SCHIP1: variants seen among roughly 807,000 people sequenced by gnomAD.
SCHIP1 encodes the protein schwannomin interacting protein 1.
Under a neutral mutation model 29.7 loss-of-function variants are expected in SCHIP1, and 8 were observed. The ratio of observed to expected loss-of-function variants is 0.27; its 90% confidence interval spans 0.16 to 0.49. The LOEUF is 0.49. SCHIP1 is among the 20% of genes least tolerant of loss of function. The pLI is 0.99. For missense variants in SCHIP1, 193 were observed against 294.6 expected (o/e 0.66, Z 2.52); for synonymous variants, 76 against 94.9 (o/e 0.80, Z 1.16).
At chr3:159,451,375 A>G in the SCHIP1 span, among the ~76,000 whole-genome samples, 2 of 152,232 alleles carry the variant, frequency 1.3e-5, no homozygotes, top group Admixed American at 6.5e-5. Context: ...TTATGGATAA[A>G]CCACTTGAGA....
chr3:159,395,954 C>T, the SCHIP1 span, among the ~76,000 whole-genome samples: 1 of 152,092 alleles, frequency 6.6e-6, no homozygotes, highest in East Asian at 1.9e-4. Flanking sequence ...TGTGGGAGTC[C>T]AAGTCTCTTT....
At chr3:159,482,897 C>T in the SCHIP1 span, among the ~76,000 whole-genome samples, 1 of 152,132 alleles carries the variant, frequency 6.6e-6, no homozygotes, top group African/African-American at 2.4e-5. Flanking sequence ...GTCAAATGGC[C>T]AGGCAGTGGG....
At chr3:159,339,286 T>C in the SCHIP1 span, among the ~76,000 whole-genome samples, 1 of 152,010 alleles carries the variant, frequency 6.6e-6, no homozygotes, top group African/African-American at 2.4e-5. Flanking sequence ...TGGTGTTCTT[T>C]ACTCAAATGG....
the SCHIP1 span, among the ~76,000 whole-genome samples, chr3:159,786,432 G>A: frequency 6.6e-6 from 1 of 152,124 alleles, no homozygotes; most frequent in Admixed American, 6.5e-5. Context: ...TATTCAAATT[G>A]AGCCAAAATG....
the SCHIP1 span, among the ~76,000 whole-genome samples, chr3:159,281,861 C>T: frequency 6.6e-6 from 1 of 151,862 alleles, no homozygotes; most frequent in East Asian, 1.9e-4. Flanking sequence ...CAACAAAGAC[C>T]CCTATTGTTA....
chr3:159,586,837 T>C, the SCHIP1 span, among the ~76,000 whole-genome samples: 5 of 152,312 alleles, frequency 3.3e-5, no homozygotes, highest in East Asian at 1.9e-4. Flanking sequence ...TAAAATACTT[T>C]AGCAGCTCTT....
At chr3:159,492,077 A>G in the SCHIP1 span, among the ~76,000 whole-genome samples, 11 of 152,214 alleles carry the variant, frequency 7.2e-5, no homozygotes, top group Admixed American at 5.9e-4. Flanking sequence ...CAGAAAGGAC[A>G]TCCACACCAA....
chr3:159,553,593 G>T, the SCHIP1 span, among the ~76,000 whole-genome samples: 1 of 152,258 alleles, frequency 6.6e-6, no homozygotes, highest in East Asian at 1.9e-4. Flanking sequence ...TCAACGTTAT[G>T]TAATAGTAAT....
chr3:159,589,451 A>C, the SCHIP1 span, among the ~76,000 whole-genome samples: 4 of 152,064 alleles, frequency 2.6e-5, no homozygotes, highest in South Asian at 2.1e-4. Flanking sequence ...AATACCCTTT[A>C]TTTCTTTCTC....
chr3:159,800,486 A>G, the SCHIP1 span, among the ~76,000 whole-genome samples: 13 of 152,308 alleles, frequency 8.5e-5, no homozygotes, highest in East Asian at 2.5e-3. Flanking sequence ...TATGAGCTTT[A>G]TGGTACACAG....
chr3:159,670,380 T>C, the SCHIP1 span, among the ~76,000 whole-genome samples: 11 of 152,326 alleles, frequency 7.2e-5, no homozygotes, highest in Non-Finnish European at 1.2e-4. Context: ...AGCTCTTTCA[T>C]TGCACTTTTA....
the SCHIP1 span, among the ~76,000 whole-genome samples, chr3:159,363,964 T>C: frequency 1.3e-5 from 2 of 152,242 alleles, no homozygotes; most frequent in Admixed American, 1.3e-4. Context: ...AAAATGAAAA[T>C]TGAATTTCTT....
chr3:159,280,046 A>T, the SCHIP1 span, among the ~76,000 whole-genome samples: 1 of 152,138 alleles, frequency 6.6e-6, no homozygotes, highest in Non-Finnish European at 1.5e-5. Context: ...TTTCTTCTAT[A>T]ATGGGGGGTA....
At chr3:159,743,684 G>A in the SCHIP1 span, among the ~76,000 whole-genome samples, 1 of 152,212 alleles carries the variant, frequency 6.6e-6, no homozygotes, top group African/African-American at 2.4e-5. Flanking sequence ...GGGGGCAGAA[G>A]AGAACTGGTG....
the SCHIP1 span, among the ~76,000 whole-genome samples, chr3:159,505,926 A>C: frequency 2.0e-5 from 3 of 152,218 alleles, no homozygotes; most frequent in Non-Finnish European, 2.9e-5. Context: ...GTGCCGCAAT[A>C]AACATACGTG....
the SCHIP1 span, among the ~76,000 whole-genome samples, chr3:159,299,338 C>T: frequency 1.3e-5 from 2 of 152,130 alleles, no homozygotes; most frequent in Non-Finnish European, 2.9e-5. Flanking sequence ...TATCCTCTTA[C>T]TCATGTGAAT....
intron 2 of SCHIP1, among the ~76,000 whole-genome samples, chr3:159,871,545 A>G (rs1031756832): frequency 2.0e-5 from 3 of 152,212 alleles, no homozygotes; most frequent in Admixed American, 6.5e-5. Context: ...GAATAAATGA[A>G]TGGTGAACTT....
the SCHIP1 span, among the ~76,000 whole-genome samples, chr3:159,563,829 AG>A: frequency 6.6e-6 from 1 of 152,146 alleles, no homozygotes; most frequent in Admixed American, 6.5e-5. Context: ...GTCTCAAAAA[AG>A]AAAAAAAAAG....
At chr3:159,298,547 C>A in the SCHIP1 span, among the ~76,000 whole-genome samples, 1 of 152,154 alleles carries the variant, frequency 6.6e-6, no homozygotes, top group African/African-American at 2.4e-5. Flanking sequence ...ATGTTTGGAG[C>A]ATTTATTAAG....
Sources: allele counts gnomAD v4.1 joint callset (sites outside exome capture counted in the v4.1 genomes callset), GRCh38; gene constraint gnomAD v4.1.1; transcripts MANE v1.5; gene names NCBI Gene and HGNC (gene_info 2026-07-23, HGNC 2026-07-21).